Variants in SMARCC1 observed in about 807,000 individuals in gnomAD.
SMARCC1 encodes the protein SWI/SNF related BAF chromatin remodeling complex subunit C1, also known as SWI/SNF complex subunit SMARCC1.
In SMARCC1, 43 loss-of-function variants were observed where a neutral mutation model predicts 147.4. The ratio of observed to expected loss-of-function variants is 0.29; its 90% CI spans 0.23 to 0.38. SMARCC1 has a LOEUF of 0.38. Ranked by LOEUF, SMARCC1 falls within the 10% of genes least tolerant of loss-of-function variation. SMARCC1 has a pLI of 1.00. For synonymous variants in SMARCC1, 495 were observed against 484.4 expected, an observed-to-expected ratio of 1.02 and a Z score of -0.29; for missense variants, 1,119 against 1,381.1, an observed-to-expected ratio of 0.81 and a Z score of 3.01.
chr3:47,748,085 G>T (rs1228084556), intron 2 of SMARCC1, among the ~76,000 whole-genome samples: 1 of 152,040 alleles, frequency 6.6e-6, no homozygotes, highest in Non-Finnish European at 1.5e-5. Context: ...TTGAACCCAG[G>T]GGCAGAGGTT....
At chr3:47,766,895 T>C (rs1372534121) in intron 2 of SMARCC1, among the ~76,000 whole-genome samples, 1 of 152,058 alleles carries the variant, frequency 6.6e-6, no homozygotes, top group African/African-American at 2.4e-5. Flanking sequence ...TATATAAAGT[T>C]CCACTCTAGC....
chr3:47,760,764 G>A (rs1429453574), intron 2 of SMARCC1, among the ~76,000 whole-genome samples: 1 of 152,198 alleles, frequency 6.6e-6, no homozygotes, highest in African/African-American at 2.4e-5. Flanking sequence ...GGCCAAGGCA[G>A]AAGGACTTCT....
intron 22 of SMARCC1, among the ~76,000 whole-genome samples, chr3:47,637,693 CAG>C (rs1194555108): frequency 6.9e-6 from 1 of 145,226 alleles, no homozygotes; most frequent in Non-Finnish European, 1.5e-5. Context: ...GCCTGTGCGA[CAG>C]AGTGAGACTC....
chr3:47,648,167 G>T (rs567526330), intron 21 of SMARCC1, among the ~76,000 whole-genome samples: 1 of 151,738 alleles, frequency 6.6e-6, no homozygotes, highest in East Asian at 1.9e-4. Flanking sequence ...GCTAATTTTT[G>T]TATTTTTAGT....
chr3:47,633,536 G>A (rs2032920501), intron 24 of SMARCC1, among the ~76,000 whole-genome samples: 1 of 151,550 alleles, frequency 6.6e-6, no homozygotes. Context: ...CTGAGGTCAG[G>A]AGTTCAAGAC....
chr3:47,675,582 C>A lies in SMARCC1; in HGVS notation c.1732G>T (p.Ala578Ser). 6.4e-7 allele frequency: 1 copy of A among 1,557,532 alleles called. No individual in the cohort carries two copies. The highest frequency in any genetic ancestry group is 8.9e-7 in the Non-Finnish European group (1 of 1,128,622). Residue 578 changes from alanine (A) to serine (S), a missense_variant, in exon 18 of 28, where the codon GCT (alanine) becomes TCT (serine). Physicochemically the swap from Ala to Ser is moderately conservative, Grantham distance 99. This residue lies in a region of SMARCC1 where 178 missense variants were observed against 264.6 expected (regional missense o/e 0.67). Coordinates refer to ENST00000254480, the MANE Select transcript of SMARCC1 (RefSeq NM_003074.4). ...GGAAAATTTAGCATCTGTTGAGCAGCAGGAACCTGAGTCAAATAAATGATA... is the reference window on the plus strand; with the variant it reads ...GGAAAATTTAGCATCTGTTGAGCAGAAGGAACCTGAGTCAAATAAATGATA... ...PLHLRSPQVPAAQQMLNFPEK... is the reference protein window; with the variant it reads ...PLHLRSPQVPSAQQMLNFPEK...
At chr3:47,733,987 A>G (rs2034410206) in intron 5 of SMARCC1, among the ~76,000 whole-genome samples, 1 of 151,336 alleles carries the variant, frequency 6.6e-6, no homozygotes, top group African/African-American at 2.5e-5. Context: ...GTATATATAT[A>G]CATATGTATG....
chr3:47,639,276 G>A (rs910734757), intron 21 of SMARCC1, among the ~76,000 whole-genome samples: 1 of 152,040 alleles, frequency 6.6e-6, no homozygotes, highest in African/African-American at 2.4e-5. Context: ...AATCTCAAGA[G>A]GATATCATTT....
intron 8 of SMARCC1, among the ~76,000 whole-genome samples, chr3:47,713,054 G>A (rs891218217): frequency 3.3e-5 from 5 of 152,116 alleles, no homozygotes; most frequent in Admixed American, 2.6e-4. Flanking sequence ...CAGGCGCAAT[G>A]GCTCACACCT....
At chr3:47,608,549 A>G (rs62262081) in intron 26 of SMARCC1, among the ~76,000 whole-genome samples, 48,318 of 151,994 alleles carry the variant, frequency 0.32, 7,977 homozygotes, top group East Asian at 0.43. Flanking sequence ...GCCTGACCTC[A>G]TAAGTGAATC....
chr3:47,681,555 C>T lies in SMARCC1; in HGVS notation c.1386-1047G>A, dbSNP rs6442077. Among the ~76,000 whole-genome samples, 866 of 152,228 alleles carry T rather than the reference C, an allele frequency of 5.7e-3. 8 individuals are homozygous for T. Among genetic ancestry groups the T allele is most frequent in the African/African-American group, 0.02 (822 of 41,542 alleles). On this transcript the variant is annotated intron_variant, in intron 14 of 27. Transcript: ENST00000254480. ...CTGCTAATATAAGTGTGTGTTTCTTCCTGATGACATTTTAGTTTCTCAGTG... is the reference window on the plus strand; with the variant it reads ...CTGCTAATATAAGTGTGTGTTTCTTTCTGATGACATTTTAGTTTCTCAGTG...
At chr3:47,648,753 A>G (rs1227904220) in intron 21 of SMARCC1, among the ~76,000 whole-genome samples, 1 of 152,052 alleles carries the variant, frequency 6.6e-6, no homozygotes, top group Non-Finnish European at 1.5e-5. Flanking sequence ...AAATAATACT[A>G]TGCTTCACTC....
At chr3:47,780,178 T>TTC (rs1553693507) in intron 1 of SMARCC1, among the ~76,000 whole-genome samples, 2 of 138,322 alleles carry the variant, frequency 1.4e-5, no homozygotes, top group Admixed American at 1.4e-4. Flanking sequence ...GTTTTTTTTT[T>TTC]TTTTTTTTTT....
At chr3:47,667,985 T>C (rs1356525973) in intron 19 of SMARCC1, among the ~76,000 whole-genome samples, 2 of 152,130 alleles carry the variant, frequency 1.3e-5, no homozygotes, top group Non-Finnish European at 2.9e-5. Flanking sequence ...AAGACCAGCA[T>C]GGACAGCATA....
intron 13 of SMARCC1, among the ~76,000 whole-genome samples, chr3:47,686,802 T>C (rs2033729453): frequency 6.6e-6 from 1 of 152,112 alleles, no homozygotes; most frequent in Admixed American, 6.5e-5. Flanking sequence ...CTGGGCAACA[T>C]AGTCAGACTT....
At chr3:47,624,894 TAAAAAAAA>T (rs60766054) in intron 24 of SMARCC1, among the ~76,000 whole-genome samples, 4 of 111,766 alleles carry the variant, frequency 3.6e-5, no homozygotes, top group Admixed American at 2.8e-4. Context: ...TACTAAAAAT[TAAAAAAAA>T]AAAAAAAAAA....
Position 47,585,543 on chromosome 3 carries a change from T to C in SMARCC1, c.*2666A>G, listed in dbSNP as rs2032058288. On this transcript the variant is annotated 3_prime_UTR_variant, in exon 28 of 28. Coordinates refer to ENST00000254480, the MANE Select transcript of SMARCC1 (RefSeq NM_003074.4). ...CTGTCCCCCAAGGTTCACAGAATCT[T>C]CTGCCCTCAAGGCCTGCCTCCAACT... 1 of 152,256 alleles carries C rather than the reference T, an allele frequency of 6.6e-6. No homozygotes were observed. The highest frequency in any genetic ancestry group is 1.5e-5 in the Non-Finnish European group (1 of 68,052). 9.4% of individuals were successfully genotyped at this position (152,256 alleles called of 1,614,324 possible). A position where few individuals can be genotyped will look rare whatever the true frequency, so the allele number is the denominator to read the frequency against.
chr3:47,760,331 T>C (rs1013107378), intron 2 of SMARCC1, among the ~76,000 whole-genome samples: 3 of 150,558 alleles, frequency 2.0e-5, no homozygotes, highest in African/African-American at 7.3e-5. Flanking sequence ...AAAAAAGAAA[T>C]TTTTACAAAT....
chr3:47,743,933 AC>A (rs1356257708), intron 3 of SMARCC1, among the ~76,000 whole-genome samples: 1 of 152,122 alleles, frequency 6.6e-6, no homozygotes, highest in Admixed American at 6.6e-5. Context: ...CCAGGTTAGG[AC>A]TTGTGATAAA....
Sources: allele counts gnomAD v4.1 joint callset (sites outside exome capture counted in the v4.1 genomes callset), GRCh38; gene constraint gnomAD v4.1.1; regional missense constraint gnomAD v4.1.1; transcripts MANE v1.5; gene names NCBI Gene and HGNC (gene_info 2026-07-23, HGNC 2026-07-21).